Variants in TBC1D19 observed in about 807,000 individuals in gnomAD.
TBC1D19 encodes TBC1 domain family, member 19.
In TBC1D19, 60 loss-of-function variants were observed where a neutral mutation model predicts 89.0. That is an observed-to-expected ratio of 0.67 (90% confidence interval 0.55 to 0.84). The LOEUF (loss-of-function observed/expected upper bound fraction) is 0.84, where lower values mean the gene tolerates loss of function less well. TBC1D19 is among the 40% of genes least tolerant of loss of function. TBC1D19 has a pLI of 0.00. For synonymous variants in TBC1D19, 189 were observed against 199.7 expected, an observed-to-expected ratio of 0.95 and a Z score of 0.45; for missense variants, 500 against 610.8, an observed-to-expected ratio of 0.82 and a Z score of 1.91.
At chr4:26,839,153 T>C in the TBC1D19 span, among the ~76,000 whole-genome samples, 4 of 152,332 alleles carry the variant, frequency 2.6e-5, no homozygotes, top group South Asian at 8.3e-4. Flanking sequence ...GAATAGCTCC[T>C]AAACTGTGCA....
chr4:26,751,802 T>C (rs1248780563), intron 19 of TBC1D19, among the ~76,000 whole-genome samples: 1 of 152,248 alleles, frequency 6.6e-6, no homozygotes, highest in East Asian at 1.9e-4. Flanking sequence ...ACCTGGCTGC[T>C]GACTTCTGTT....
At chr4:26,712,691 T>C (rs1488371348) in intron 13 of TBC1D19, among the ~76,000 whole-genome samples, 1 of 152,012 alleles carries the variant, frequency 6.6e-6, no homozygotes. Context: ...AAGTCTAAGA[T>C]TGAACAGCCT....
the TBC1D19 span, among the ~76,000 whole-genome samples, chr4:26,778,524 C>G: frequency 6.6e-6 from 1 of 152,066 alleles, no homozygotes; most frequent in Non-Finnish European, 1.5e-5. Context: ...ATTCAAGATT[C>G]CACAGGTGGT....
chr4:26,846,518 A>G, the TBC1D19 span, among the ~76,000 whole-genome samples: 4 of 152,144 alleles, frequency 2.6e-5, no homozygotes, highest in Non-Finnish European at 5.9e-5. Flanking sequence ...AATGGATTGC[A>G]CATATTTTTA....
chr4:26,693,593 G>T (rs1714486223), intron 13 of TBC1D19, among the ~76,000 whole-genome samples: 1 of 152,048 alleles, frequency 6.6e-6, no homozygotes. Flanking sequence ...TACTCAGGAG[G>T]CTGAGATGCG....
At chr4:26,659,487 C>T (rs2109074565) in intron 7 of TBC1D19, 110 bp from the exon 8 acceptor site, 1 of 591,212 alleles carries the variant, frequency 1.7e-6, no homozygotes, top group Non-Finnish European at 3.0e-6. Flanking sequence ...TGTGCATCAC[C>T]CAAATAGTAA....
chr4:26,771,387 A>G, the TBC1D19 span, among the ~76,000 whole-genome samples: 1 of 152,186 alleles, frequency 6.6e-6, no homozygotes, highest in Non-Finnish European at 1.5e-5. Context: ...ATTTGAACAC[A>G]TGTTCACTGC....
At chr4:26,817,981 A>AAAAAAAATATAT in the TBC1D19 span, among the ~76,000 whole-genome samples, 1 of 126,080 alleles carries the variant, frequency 7.9e-6, no homozygotes, top group African/African-American at 3.7e-5. Context: ...AAAAAAAAAA[A>AAAAAAAATATAT]ATATATATAT....
At chr4:26,681,997 T>C (rs575761373) in intron 11 of TBC1D19, among the ~76,000 whole-genome samples, 1 of 152,288 alleles carries the variant, frequency 6.6e-6, no homozygotes, top group South Asian at 2.1e-4. Flanking sequence ...TAATATTAAT[T>C]ATTTTGGGAC....
At chr4:26,699,447 T>C (rs892670176) in intron 13 of TBC1D19, among the ~76,000 whole-genome samples, 20 of 152,088 alleles carry the variant, frequency 1.3e-4, no homozygotes, top group Admixed American at 3.9e-4. Context: ...TTGTGGAAGA[T>C]AGTGTGGCGA....
At chr4:26,796,603 G>A in the TBC1D19 span, among the ~76,000 whole-genome samples, 1 of 152,098 alleles carries the variant, frequency 6.6e-6, no homozygotes, top group Non-Finnish European at 1.5e-5. Flanking sequence ...GGAGGCTGAG[G>A]CAGGATGATC....
At chr4:26,766,024 G>C in the TBC1D19 span, among the ~76,000 whole-genome samples, 1 of 152,166 alleles carries the variant, frequency 6.6e-6, no homozygotes, top group Non-Finnish European at 1.5e-5. Context: ...GTGATGGACT[G>C]ACCCATGGTG....
At chr4:26,656,377 A>G (rs1744806472) in intron 7 of TBC1D19, among the ~76,000 whole-genome samples, 1 of 152,120 alleles carries the variant, frequency 6.6e-6, no homozygotes, top group Admixed American at 6.6e-5. Flanking sequence ...CTTTATTTAA[A>G]TAATTCCTTC....
chr4:26,695,698 A>G (rs1173628247), intron 13 of TBC1D19, among the ~76,000 whole-genome samples: 1 of 152,238 alleles, frequency 6.6e-6, no homozygotes, highest in Non-Finnish European at 1.5e-5. Context: ...AGTGGGGGCC[A>G]ATATTCAACA....
the TBC1D19 span, among the ~76,000 whole-genome samples, chr4:26,804,530 C>A: frequency 6.6e-6 from 1 of 152,240 alleles, no homozygotes; most frequent in East Asian, 1.9e-4. Context: ...CCTCGCTAGC[C>A]TTTCACCTGG....
Position 26,609,827 on chromosome 4 carries a change from G to A in TBC1D19, c.100-3342G>A, listed in dbSNP as rs572815058. ...CATTCATTCGATAATCATTTATTGA[G>A]CACCTACTGTGTGAAAACAACTTAG... On this transcript the variant is annotated intron_variant, in intron 1 of 20. Transcript: ENST00000264866. Among the ~76,000 whole-genome samples the A allele has an allele frequency of 3.9e-5, 6 of 152,220 alleles. No homozygotes were observed. In the South Asian group the frequency reaches 8.3e-4, roughly 21 times the overall value.
chr4:26,634,714 T>C (rs1743020922), intron 4 of TBC1D19, among the ~76,000 whole-genome samples: 1 of 152,188 alleles, frequency 6.6e-6, no homozygotes, highest in Non-Finnish European at 1.5e-5. Context: ...TAGGAAATGA[T>C]AAAATAGACT....
intron 17 of TBC1D19, chr4:26,740,625 C>CT (rs139783158): frequency 6.1e-6 from 6 of 982,174 alleles, no homozygotes; most frequent in South Asian, 4.7e-5. Context: ...TTTATCATAT[C>CT]TTTTTTTTCC....
upstream of TBC1D19, among the ~76,000 whole-genome samples, chr4:26,579,811 C>T (rs1404907844): frequency 6.6e-6 from 1 of 152,010 alleles, no homozygotes; most frequent in African/African-American, 2.4e-5. Context: ...CTTCCAACTT[C>T]ATCTTCTTTC....
Sources: allele counts gnomAD v4.1 joint callset (sites outside exome capture counted in the v4.1 genomes callset), GRCh38; gene constraint gnomAD v4.1.1; transcripts MANE v1.5; gene names NCBI Gene and HGNC (gene_info 2026-07-23, HGNC 2026-07-21).